UNC13B: variants seen among roughly 807,000 people sequenced by gnomAD.
UNC13B encodes the protein unc-13 homolog B, also known as protein unc-13 homolog B.
A neutral mutation model predicts 211.0 loss-of-function variants in UNC13B; 144 were observed. The observed-to-expected ratio is 0.68, with a 90% CI of 0.60 to 0.78. UNC13B has a LOEUF of 0.78. Among genes scored for constraint, UNC13B ranks in the 30% least tolerant of loss-of-function variants. UNC13B has a pLI of 0.00. For missense variants in UNC13B, 1,777 were observed against 2,002.0 expected, an observed-to-expected ratio of 0.89 and a Z score of 2.14; for synonymous variants, 709 against 725.8, an observed-to-expected ratio of 0.98 and a Z score of 0.37.
At chr9:35,346,675 G>A (rs879183354) in intron 11 of UNC13B, among the ~76,000 whole-genome samples, 2 of 152,138 alleles carry the variant, frequency 1.3e-5, no homozygotes, top group Admixed American at 1.3e-4. Context: ...AGCACAGAAA[G>A]GTATGGTTTT....
At chr9:35,365,548 G>A (rs976983637) in intron 11 of UNC13B, among the ~76,000 whole-genome samples, 1 of 151,796 alleles carries the variant, frequency 6.6e-6, no homozygotes, top group Non-Finnish European at 1.5e-5. Flanking sequence ...AATAAGTTCT[G>A]GTTGGTAAGA....
intron 19 of UNC13B, 81 bp downstream of exon 19, chr9:35,381,296 T>A (rs1189703653): frequency 7.8e-7 from 1 of 1,281,966 alleles, no homozygotes; most frequent in Non-Finnish European, 1.1e-6. Flanking sequence ...TGCTAGGTGG[T>A]TGGAATCCGA....
At chr9:35,401,812 C>T in intron 37 of UNC13B, 1 of 750,238 alleles carries the variant, frequency 1.3e-6, no homozygotes. Context: ...CTTCTTTCTC[C>T]ACTCTGCCCC....
chr9:35,231,153 A>C lies in UNC13B; in HGVS notation c.86A>C (p.Gln29Pro). ...KFNTYVTLKV[Q>P]NVKSTTVAVR... Reference sequence around the variant, plus strand: ...AACACATATGTGACCCTGAAAGTACAGAATGTGAAGAGCACAACTGTAGCA... The same window carrying C: ...AACACATATGTGACCCTGAAAGTACCGAATGTGAAGAGCACAACTGTAGCA... Residue 29 changes from glutamine (Q) to proline (P), a missense_variant, in exon 3 of 40, where the codon CAG becomes CCG. Coordinates refer to ENST00000635942, the MANE Select transcript of UNC13B (RefSeq NM_001371189.2). 1 of 1,613,288 alleles carries C rather than the reference A, an allele frequency of 6.2e-7. No individual in the cohort carries two copies. Among genetic ancestry groups the C allele is most frequent in the Non-Finnish European group, 8.5e-7 (1 of 1,179,396 alleles).
intron 8 of UNC13B, among the ~76,000 whole-genome samples, chr9:35,297,561 T>TTTTTTTTTTTTGTTTTTTG: frequency 1.6e-5 from 2 of 128,164 alleles, no homozygotes; most frequent in Non-Finnish European, 3.4e-5. Context: ...TTTTTTTTTT[T>TTTTTTTTTTTTGTTTTTTG]TTTTTTGAGA....
At position 35,319,504 on chromosome 9, in the gene UNC13B, A is replaced by G. The variant is rs573344419; in HGVS notation, c.9414+5515A>G. Reference sequence around the variant, plus strand: ...TTTGCATGATGCTGAGATTTGGGGTATAGATCCTGTCACCCATGTAGTGAA... The same window carrying G: ...TTTGCATGATGCTGAGATTTGGGGTGTAGATCCTGTCACCCATGTAGTGAA... On this transcript the variant is annotated intron_variant, in intron 11 of 39. Transcript: ENST00000635942. 6.7e-5 allele frequency among the ~76,000 whole-genome samples: 10 copies of G among 150,284 alleles called. No individual in the cohort carries two copies. In the South Asian group the frequency reaches 1.3e-3, roughly 19 times the overall value.
At chr9:35,215,488 T>A (rs1156262657) in intron 1 of UNC13B, among the ~76,000 whole-genome samples, 2 of 152,178 alleles carry the variant, frequency 1.3e-5, no homozygotes, top group African/African-American at 4.8e-5. Flanking sequence ...ACAAACAAGA[T>A]GGAAATAAAG....
intron 11 of UNC13B, among the ~76,000 whole-genome samples, chr9:35,315,359 A>G (rs1830397687): frequency 6.6e-6 from 1 of 152,212 alleles, no homozygotes; most frequent in South Asian, 2.1e-4. Context: ...GTGCACATAT[A>G]CTTTAAAAAT....
intron 17 of UNC13B, 128 bp downstream of exon 17, chr9:35,378,564 C>T (rs1587730941): frequency 8.1e-7 from 1 of 1,234,978 alleles, no homozygotes; most frequent in Non-Finnish European, 1.1e-6. Flanking sequence ...TTCTCGCATG[C>T]TTCGTTCAGA....
chr9:35,399,047 T>C lies in UNC13B; in HGVS notation c.12074+13T>C. 1 of 1,613,844 alleles carries C rather than the reference T, an allele frequency of 6.2e-7. No individual in the cohort carries two copies. Among genetic ancestry groups the C allele is most frequent in the Non-Finnish European group, 8.5e-7 (1 of 1,179,790 alleles). On this transcript the variant is annotated intron_variant, in intron 33 of 39. Transcript: ENST00000635942. ...TCCTGGATGGCAAGTGAGTACAGCATTCAGGACTATCCTGTGGGGATGAGC... is the reference window on the plus strand; with the variant it reads ...TCCTGGATGGCAAGTGAGTACAGCACTCAGGACTATCCTGTGGGGATGAGC...
intron 7 of UNC13B, among the ~76,000 whole-genome samples, chr9:35,280,555 A>G (rs975018451): frequency 1.3e-5 from 2 of 152,178 alleles, no homozygotes; most frequent in Admixed American, 1.3e-4. Context: ...TTTAGTGGTA[A>G]GGCAGTGCAA....
intron 11 of UNC13B, among the ~76,000 whole-genome samples, chr9:35,332,270 C>G (rs1011830847): frequency 2.6e-5 from 4 of 152,244 alleles, no homozygotes; most frequent in Admixed American, 2.6e-4. Context: ...CCTTTGTAAG[C>G]AGATGTTCCC....
At chr9:35,299,551 A>C (rs1181070870) in intron 8 of UNC13B, among the ~76,000 whole-genome samples, 1 of 152,188 alleles carries the variant, frequency 6.6e-6, no homozygotes, top group African/African-American at 2.4e-5. Flanking sequence ...TGTTTCTTAG[A>C]AAAATAAAAG....
intron 17 of UNC13B, among the ~76,000 whole-genome samples, 195 bp from the exon 18 acceptor site, chr9:35,380,275 C>T (rs1296592232): frequency 6.6e-6 from 1 of 152,164 alleles, no homozygotes; most frequent in African/African-American, 2.4e-5. Flanking sequence ...TAGATAGAGC[C>T]ACCCAGGCCG....
chr9:35,375,155 T>G lies in UNC13B; in HGVS notation c.9569T>G (p.Ile3190Ser), dbSNP rs780055670. Residue 3190 changes from isoleucine to serine, a missense_variant, in exon 14 of 40, where the codon ATC (isoleucine) becomes AGC (serine). Ile to Ser is a moderately radical substitution (Grantham distance 142). Transcript: ENST00000635942. ...LSLVQSRKAG[I>S]TSAMATRTSL... ...CTGGTCCAGTCTCGGAAGGCAGGAA[T>G]CACTTCTGCAATGGCTACACGCACT... 1.2e-6 allele frequency: 2 copies of G among 1,614,164 alleles called. No individual in the cohort carries two copies. Among genetic ancestry groups the G allele is most frequent in the Non-Finnish European group, 1.7e-6 (2 of 1,179,994 alleles).
chr9:35,359,422 G>A (rs1381198003), intron 11 of UNC13B, among the ~76,000 whole-genome samples: 1 of 152,084 alleles, frequency 6.6e-6, no homozygotes, highest in Non-Finnish European at 1.5e-5. Context: ...AGTTTCATAA[G>A]CATTCCCAGG....
At chr9:35,384,766 A>T (rs930738739) in intron 22 of UNC13B, 1 of 971,192 alleles carries the variant, frequency 1.0e-6, no homozygotes, top group African/African-American at 1.8e-5. Context: ...ATCAGAGAGC[A>T]TGTCCATTCC....
At chr9:35,205,374 T>C (rs999313157) in intron 1 of UNC13B, among the ~76,000 whole-genome samples, 4 of 152,178 alleles carry the variant, frequency 2.6e-5, no homozygotes, top group African/African-American at 9.6e-5. Flanking sequence ...AAAAATAGCT[T>C]TATTGAGGTG....
chr9:35,299,765 T>G (rs1829580724), intron 8 of UNC13B, among the ~76,000 whole-genome samples: 1 of 152,204 alleles, frequency 6.6e-6, no homozygotes, highest in Non-Finnish European at 1.5e-5. Context: ...GTCTTCTCAT[T>G]GAACATGTAT....
Sources: allele counts gnomAD v4.1 joint callset (sites outside exome capture counted in the v4.1 genomes callset), GRCh38; gene constraint gnomAD v4.1.1; transcripts MANE v1.5; gene names NCBI Gene and HGNC (gene_info 2026-07-23, HGNC 2026-07-21).